COLEC12: variants seen among roughly 807,000 people sequenced by gnomAD.
The protein encoded by COLEC12 is collectin subfamily member 12.
In COLEC12, 33 loss-of-function variants were observed where a neutral mutation model predicts 71.1. That is an observed-to-expected ratio of 0.46 (90% CI 0.35 to 0.62). COLEC12 has a LOEUF of 0.62. COLEC12 is among the 20% of genes least tolerant of loss of function. The pLI is 0.00. For missense variants in COLEC12, 765 were observed against 916.1 expected, an observed-to-expected ratio of 0.84 and a Z score of 2.13; for synonymous variants, 350 against 353.0, an observed-to-expected ratio of 0.99 and a Z score of 0.10.
intron 2 of COLEC12, among the ~76,000 whole-genome samples, chr18:436,899 C>A (rs907898597): frequency 1.3e-5 from 2 of 152,112 alleles, no homozygotes; most frequent in African/African-American, 4.8e-5. Flanking sequence ...AACACCTGCT[C>A]AAAAAATATC....
In COLEC12 at chr18:360,483, G is replaced by T. The variant is rs554074925; in HGVS notation, c.59-2961C>A. Reference sequence around the variant, plus strand: ...TGGGAGTATAGGTGTGAGCCACCACGCCTGGCCAAGAATTTGGATTTCTAA... The same window carrying T: ...TGGGAGTATAGGTGTGAGCCACCACTCCTGGCCAAGAATTTGGATTTCTAA... On this transcript the variant is annotated intron_variant, in intron 2 of 9. Transcript: ENST00000400256. Among the ~76,000 whole-genome samples, 7 of 152,276 alleles carry T rather than the reference G, an allele frequency of 4.6e-5. No individual in the cohort carries two copies. In the Middle Eastern group the frequency reaches 0.02, roughly 444 times the overall value.
At chr18:337,220 T>G (rs545298733) in intron 5 of COLEC12, among the ~76,000 whole-genome samples, 1 of 152,182 alleles carries the variant, frequency 6.6e-6, no homozygotes, top group East Asian at 1.9e-4. Flanking sequence ...AGGATAGAAG[T>G]GCTGGAGCAA....
At chr18:353,029 A>T (rs1237720998) in intron 3 of COLEC12, among the ~76,000 whole-genome samples, 1 of 152,242 alleles carries the variant, frequency 6.6e-6, no homozygotes, top group Admixed American at 6.5e-5. Context: ...TCCCTCTTCA[A>T]GTATCCAAAG....
chr18:394,348 C>G (rs574304772), intron 2 of COLEC12, among the ~76,000 whole-genome samples: 35 of 152,332 alleles, frequency 2.3e-4, no homozygotes, highest in African/African-American at 8.2e-4. Flanking sequence ...GATCCATTTT[C>G]TAACCCCAGA....
At position 490,748 on chromosome 18, in the gene COLEC12, G is replaced by A. The variant is rs186413519; in HGVS notation, c.7+9760C>T. On this transcript the variant is annotated intron_variant, in intron 1 of 9. Coordinates refer to ENST00000400256, the MANE Select transcript of COLEC12 (RefSeq NM_130386.3). ...TCAACCTGAAACCACAGAAGACGCAGTTTGAAGCTGGAGCCTTCAATACTT... is the reference window on the plus strand; with the variant it reads ...TCAACCTGAAACCACAGAAGACGCAATTTGAAGCTGGAGCCTTCAATACTT... Among the ~76,000 whole-genome samples the A allele has an allele frequency of 1.2e-3, 179 of 152,336 alleles. 1 individual carries two copies. The highest frequency in any genetic ancestry group is 1.8e-4 in the Non-Finnish European group (12 of 68,036).
chr18:330,999 C>A (rs1913966548), intron 8 of COLEC12, among the ~76,000 whole-genome samples: 1 of 151,880 alleles, frequency 6.6e-6, no homozygotes, highest in South Asian at 2.1e-4. Flanking sequence ...TCTGCCTCAG[C>A]CTCCCGAGTA....
At chr18:431,103 C>A (rs1916293558) in intron 2 of COLEC12, among the ~76,000 whole-genome samples, 3 of 150,922 alleles carry the variant, frequency 2.0e-5, no homozygotes, top group Admixed American at 2.0e-4. Context: ...AGCAATCCTC[C>A]CACCTCAGCC....
intron 2 of COLEC12, among the ~76,000 whole-genome samples, chr18:462,950 G>C (rs1917011373): frequency 6.6e-6 from 1 of 152,208 alleles, no homozygotes; most frequent in South Asian, 2.1e-4. Flanking sequence ...GAAACATAAA[G>C]TGTAATAGCT....
At chr18:498,289 A>G (rs1598384203) in intron 1 of COLEC12, among the ~76,000 whole-genome samples, 1 of 150,644 alleles carries the variant, frequency 6.6e-6, no homozygotes, top group Non-Finnish European at 1.5e-5. Context: ...CCACCCCACC[A>G]CTCAGACAAA....
At chr18:486,226 T>C (rs546993827) in intron 1 of COLEC12, among the ~76,000 whole-genome samples, 1 of 152,312 alleles carries the variant, frequency 6.6e-6, no homozygotes, top group South Asian at 2.1e-4. Flanking sequence ...TGCTCTGTCA[T>C]CCAGGCTGGA....
intron 3 of COLEC12, among the ~76,000 whole-genome samples, chr18:349,569 G>A (rs1277597359): frequency 5.9e-5 from 9 of 152,154 alleles, no homozygotes; most frequent in East Asian, 1.9e-4. Context: ...GAGGGCCACC[G>A]TCCTCCAGAC....
In COLEC12 at chr18:338,877, CTGT is replaced by C. The variant is rs1914178530; in HGVS notation, c.1328-3650_1328-3648del. ...AAATAAACTTTTTTCTCAACTATTT[CTGT>C]TTTACTTATGTTCTGTGTTGAACTT... is the stretch of plus-strand genomic sequence containing the variant. On this transcript the variant is annotated intron_variant, in intron 5 of 9. Transcript: ENST00000400256. Among the ~76,000 whole-genome samples the C allele has an allele frequency of 5.3e-5, 8 of 152,122 alleles. 1 individual carries two copies. The South Asian group carries it at 1.7e-3, about 32-fold the overall frequency.
intron 2 of COLEC12, among the ~76,000 whole-genome samples, chr18:412,923 C>G (rs926918117): frequency 5.3e-5 from 8 of 152,108 alleles, no homozygotes; most frequent in African/African-American, 1.7e-4. Context: ...AAACAGGTAA[C>G]AATGACAAAA....
chr18:392,585 G>T (rs1051346770), intron 2 of COLEC12, among the ~76,000 whole-genome samples: 2 of 152,166 alleles, frequency 1.3e-5, no homozygotes, highest in East Asian at 1.9e-4. Context: ...CCACACCCTT[G>T]TCCCAGCTTT....
chr18:381,582 C>A (rs1223802925), intron 2 of COLEC12, among the ~76,000 whole-genome samples: 1 of 152,162 alleles, frequency 6.6e-6, no homozygotes, highest in East Asian at 1.9e-4. Flanking sequence ...GGAGGGCAAC[C>A]AAAATTTTAA....
intron 5 of COLEC12, among the ~76,000 whole-genome samples, chr18:345,162 C>T (rs1019030380): frequency 1.3e-5 from 2 of 152,192 alleles, no homozygotes; most frequent in Non-Finnish European, 2.9e-5. Flanking sequence ...AGGGTGAGGA[C>T]CGTTGGTTTC....
chr18:361,012 A>C (rs1914732633), intron 2 of COLEC12, among the ~76,000 whole-genome samples: 2 of 152,164 alleles, frequency 1.3e-5, no homozygotes, highest in African/African-American at 4.8e-5. Context: ...CTCAACTACT[A>C]TTTCTATCCC....
At chr18:396,713 G>A (rs1915579521) in intron 2 of COLEC12, among the ~76,000 whole-genome samples, 2 of 152,210 alleles carry the variant, frequency 1.3e-5, no homozygotes, top group Admixed American at 1.3e-4. Context: ...AGCAAAACCT[G>A]CACAACTGAC....
At position 379,512 on chromosome 18, in the gene COLEC12, T is replaced by C. The variant is rs116881537; in HGVS notation, c.59-21990A>G. On this transcript the variant is annotated intron_variant, in intron 2 of 9. Coordinates refer to ENST00000400256, the MANE Select transcript of COLEC12 (RefSeq NM_130386.3). ...AAAAGTTTTGGAAAAGTGAAGAAAA[T>C]AGAGGAGAATGACAAAGGGAAAAAG... 7.3e-3 allele frequency among the ~76,000 whole-genome samples: 1,112 copies of C among 151,698 alleles called. 9 individuals are homozygous for C. Among genetic ancestry groups the C allele is most frequent in the Middle Eastern group, 0.02 (6 of 294 alleles).
Sources: allele counts gnomAD v4.1 joint callset (sites outside exome capture counted in the v4.1 genomes callset), GRCh38; gene constraint gnomAD v4.1.1; transcripts MANE v1.5; gene names NCBI Gene and HGNC (gene_info 2026-07-23, HGNC 2026-07-21).